PTTG1IP: variants seen among roughly 807,000 people sequenced by gnomAD.
PTTG1IP encodes pituitary tumor-transforming gene 1 protein-interacting protein.
A neutral mutation model predicts 24.4 loss-of-function variants in PTTG1IP; 16 were observed. That is an observed-to-expected ratio of 0.66 (90% CI 0.44 to 1.00). The LOEUF is 1.00. Ranked by LOEUF, PTTG1IP falls within the 50% of genes least tolerant of loss-of-function variation. The pLI, the probability that PTTG1IP is intolerant of heterozygous loss-of-function variation, is 0.00. For synonymous variants in PTTG1IP, 89 were observed against 96.8 expected (o/e 0.92, Z 0.47); for missense variants, 241 against 245.8 (o/e 0.98, Z 0.13).
chr21:44,865,313 C>G (rs1314181238), intron 2 of PTTG1IP, 82 bp downstream of exon 2: 1 of 1,404,926 alleles, frequency 7.1e-7, no homozygotes, highest in Admixed American at 1.7e-5. Context: ...CACATCCCAG[C>G]GAATCCCTGG....
intron 2 of PTTG1IP, 53 bp from the exon 3 acceptor site, chr21:44,861,324 A>C: frequency 6.7e-7 from 1 of 1,486,022 alleles, no homozygotes; most frequent in East Asian, 2.3e-5. Context: ...AAACCAAAGA[A>C]CTGTCCAGGC....
At position 44,859,060 on chromosome 21, in the gene PTTG1IP, T is replaced by C. The variant is rs150794930; in HGVS notation, c.277+2103A>G. Among the ~76,000 whole-genome samples, 27 of 152,262 alleles carry C rather than the reference T, an allele frequency of 1.8e-4. No individual in the cohort carries two copies. The East Asian group carries it at 5.2e-3, about 29-fold the overall frequency. On this transcript the variant is annotated intron_variant, in intron 3 of 5. Coordinates refer to ENST00000330938, the MANE Select transcript of PTTG1IP (RefSeq NM_004339.4). ...TGTGCCGGCACCAACACAACACCGC[T>C]CACAGCAGCACCAGAAGGACCCAGG...
At position 44,873,602 on chromosome 21, in the gene PTTG1IP, C is replaced by T; in HGVS notation, c.15G>A (p.Val5=). MAPG[V]ARGPTPYWRL... ...TCCAGTACGGCGTCGGCCCGCGGGC[C>T]ACTCCGGGCGCCATGGTCGGCCGGT... The change falls in exon 1 of 6, where the codon GTG becomes GTA. Residue 5 remains valine (V), a synonymous_variant. Coordinates refer to ENST00000330938, the MANE Select transcript of PTTG1IP (RefSeq NM_004339.4). The T allele has an allele frequency of 6.9e-7, 1 of 1,444,870 alleles. No individual in the cohort carries two copies. Among genetic ancestry groups the T allele is most frequent in the Non-Finnish European group, 9.1e-7 (1 of 1,101,282 alleles). The allele number at this position is 1,444,870 out of a possible 1,614,324, so 89.5% of individuals were successfully genotyped here. A position where few individuals can be genotyped will look rare whatever the true frequency, so the allele number is the denominator to read the frequency against.
intron 2 of PTTG1IP, among the ~76,000 whole-genome samples, chr21:44,865,101 T>A (rs146354676): frequency 5.8e-4 from 88 of 152,304 alleles, no homozygotes; most frequent in African/African-American, 2.0e-3. Context: ...ACAGCCAAAT[T>A]TCTCGCTATG....
chr21:44,855,406 G>A, intron 4 of PTTG1IP, 150 bp from the exon 5 acceptor site: 1 of 815,690 alleles, frequency 1.2e-6, no homozygotes, highest in South Asian at 1.6e-5. Context: ...GTGAGGACAA[G>A]CTTGGTCATC....
intron 2 of PTTG1IP, among the ~76,000 whole-genome samples, chr21:44,864,554 G>A (rs1423266161): frequency 4.6e-5 from 7 of 152,102 alleles, no homozygotes; most frequent in Non-Finnish European, 8.8e-5. Flanking sequence ...CCGCCACCAC[G>A]CCTAGCTAAT....
In PTTG1IP at chr21:44,873,504, G is replaced by A; in HGVS notation, c.113C>T (p.Ala38Val). 1 of 1,447,092 alleles carries A rather than the reference G, an allele frequency of 6.9e-7. No individual in the cohort carries two copies. The highest frequency in any genetic ancestry group is 9.0e-7 in the Non-Finnish European group (1 of 1,105,514). 89.6% of individuals were successfully genotyped at this position (1,447,092 alleles called of 1,614,324 possible). The change falls in exon 1 of 6, where the codon GCT becomes GTT. Residue 38 changes from alanine to valine, a missense_variant and splice_region_variant. Ala to Val is a moderately conservative substitution (Grantham distance 64). Transcript: ENST00000330938. ...CCCGCCCGCCCCGGCGCCCTCACCAGCTCCGGGAGGCTCCTGCGCGGCGGC... is the reference window on the plus strand; with the variant it reads ...CCCGCCCGCCCCGGCGCCCTCACCAACTCCGGGAGGCTCCTGCGCGGCGGC... ...PVAAAQEPPG[A>V]ACSQNTNKTC...
rs1886404928 is a variant in PTTG1IP, at chr21:44,850,076, A to C, written c.*1505T>G. On this transcript the variant is annotated 3_prime_UTR_variant, in exon 6 of 6. Coordinates refer to ENST00000330938, the MANE Select transcript of PTTG1IP (RefSeq NM_004339.4). The stretch of plus-strand genomic sequence containing the variant: ...TGTTATTCCCGGTACAGATGTACAC[A>C]GTCAAAAAGGCTTATCGAGCTGTTT... The C allele has an allele frequency of 6.6e-6, 1 of 152,234 alleles. No homozygotes were observed. Among genetic ancestry groups the C allele is most frequent in the African/African-American group, 2.4e-5 (1 of 41,460 alleles). The allele number at this position is 152,234 out of a possible 1,614,324, so 9.4% of individuals were successfully genotyped here. A position where few individuals can be genotyped will look rare whatever the true frequency, so the allele number is the denominator to read the frequency against.
chr21:44,861,100 C>T, intron 3 of PTTG1IP, 63 bp downstream of exon 3: 2 of 1,462,760 alleles, frequency 1.4e-6, no homozygotes, highest in Non-Finnish European at 1.9e-6. Flanking sequence ...CCGCGCCCGG[C>T]CCATACTACT....
chr21:44,853,371 A>T (rs1242827785), intron 5 of PTTG1IP, among the ~76,000 whole-genome samples: 1 of 151,976 alleles, frequency 6.6e-6, no homozygotes, highest in South Asian at 2.1e-4. Flanking sequence ...AGCTGGGCGT[A>T]GTGGTGGGCA....
intron 2 of PTTG1IP, 90 bp downstream of exon 2, chr21:44,865,304 AC>A: frequency 7.6e-7 from 1 of 1,315,658 alleles, no homozygotes; most frequent in Admixed American, 1.7e-5. Flanking sequence ...AGCCCTCCAC[AC>A]ATCCCAGCGA....
intron 5 of PTTG1IP, among the ~76,000 whole-genome samples, chr21:44,853,057 G>A (rs1050101992): frequency 3.9e-5 from 6 of 152,224 alleles, no homozygotes. Flanking sequence ...CAAGAGCCTG[G>A]CCGGCCACCC....
intron 5 of PTTG1IP, among the ~76,000 whole-genome samples, chr21:44,852,370 C>T (rs575115903): frequency 1.6e-4 from 24 of 152,146 alleles, no homozygotes; most frequent in African/African-American, 5.8e-4. Context: ...TTAGTAGAGA[C>T]GGGGTTTCAC....
rs1231148132 is a variant in PTTG1IP at position 44,873,522 on chromosome 21, G to A, written c.95C>T (p.Ala32Val). The change falls in exon 1 of 6, where the codon GCG becomes GTG. Residue 32 changes from alanine to valine, a missense_variant. Coordinates refer to ENST00000330938, the MANE Select transcript of PTTG1IP (RefSeq NM_004339.4). ...CTCACCAGCTCCGGGAGGCTCCTGC[G>A]CGGCGGCCACCGGGATGAGCAGCAG... ...LLLLLIPVAA[A>V]QEPPGAACSQ... 11 of 1,464,560 alleles carry A rather than the reference G, an allele frequency of 7.5e-6. No individual in the cohort carries two copies. Among genetic ancestry groups the A allele is most frequent in the Non-Finnish European group, 9.9e-6 (11 of 1,114,582 alleles). The allele number at this position is 1,464,560 out of a possible 1,614,324, so 90.7% of individuals were successfully genotyped here.
intron 4 of PTTG1IP, 125 bp downstream of exon 4, chr21:44,856,068 A>G: frequency 6.4e-7 from 1 of 1,573,364 alleles, no homozygotes; most frequent in Non-Finnish European, 8.7e-7. Context: ...TCCCCTGGGC[A>G]CTATACACAT....
Position 44,855,242 on chromosome 21 carries a change from T to G in PTTG1IP, c.464A>C (p.Lys155Thr). Residue 155 changes from lysine (K) to threonine (T), a missense_variant, in exon 5 of 6, where the codon AAG becomes ACG. By Grantham distance (78) the Lys-to-Thr change is moderately conservative. Coordinates refer to ENST00000330938, the MANE Select transcript of PTTG1IP (RefSeq NM_004339.4). ...IRQEERRAEM[K>T]TRHDEIRKKY... is the part of the protein sequence containing the mutation. Reference sequence around the variant, plus strand: ...TTTTCTGATTTCATCATGTCTTGTCTTCATCTCTGCTCTCCTAAAACACAG... The same window carrying G: ...TTTTCTGATTTCATCATGTCTTGTCGTCATCTCTGCTCTCCTAAAACACAG... 6.2e-7 allele frequency: 1 copy of G among 1,612,358 alleles called. No homozygotes were observed. The highest frequency in any genetic ancestry group is 8.5e-7 in the Non-Finnish European group (1 of 1,178,406).
In PTTG1IP at chr21:44,866,471, A is replaced by AAC. The variant is rs34708509; in HGVS notation, c.116-1026_116-1025dup. Among the ~76,000 whole-genome samples the AAC allele has an allele frequency of 3.6e-4, 6 of 16,778 alleles. 2 individuals carry two copies. Among genetic ancestry groups the AAC allele is most frequent in the East Asian group, 7.8e-3 (2 of 258 alleles). 11.0% of individuals were successfully genotyped at this position (16,778 alleles called of 152,430 possible). A position where few individuals can be genotyped will look rare whatever the true frequency, so the allele number is the denominator to read the frequency against. ...AGAGTGCCTACTCCCCCAATCCCAT[A>AAC]ACACACACACACACACACACGCAGA... On this transcript the variant is annotated intron_variant, in intron 1 of 5. Coordinates refer to ENST00000330938, the MANE Select transcript of PTTG1IP (RefSeq NM_004339.4).
intron 3 of PTTG1IP, among the ~76,000 whole-genome samples, chr21:44,860,436 A>C (rs1222194377): frequency 6.8e-6 from 1 of 146,524 alleles, no homozygotes. Context: ...AAACGCCTCC[A>C]AAATCAAATA....
At chr21:44,856,563 GTCTCCTTTC>G (rs1239716845) in intron 3 of PTTG1IP, among the ~76,000 whole-genome samples, 199 bp from the exon 4 acceptor site, 7 of 152,218 alleles carry the variant, frequency 4.6e-5, no homozygotes, top group Non-Finnish European at 7.3e-5. Context: ...CCCTCTCCAA[GTCTCCTTTC>G]AGCCACACGT....
Sources: gnomAD v4.1 joint callset for allele counts (sites outside exome capture counted in the v4.1 genomes callset) on GRCh38, gnomAD v4.1.1 for gene constraint, MANE v1.5 for transcripts, NCBI Gene and HGNC (gene_info 2026-07-23, HGNC 2026-07-21) for gene names.